The following GLRA2 variants were observed in gnomAD, a reference collection of about 807,000 sequenced individuals.
GLRA2 encodes glycine receptor subunit alpha-2.
In GLRA2, 11 loss-of-function variants were observed where a neutral mutation model predicts 31.6. The ratio of observed to expected loss-of-function variants is 0.35; its 90% CI spans 0.22 to 0.58. The LOEUF (loss-of-function observed/expected upper bound fraction) is 0.58, where lower values mean the gene tolerates loss of function less well. GLRA2 is among the 20% of genes least tolerant of loss of function. GLRA2 has a pLI of 0.84. For missense variants in GLRA2, 212 were observed against 351.8 expected, an observed-to-expected ratio of 0.60 and a Z score of 3.18; for synonymous variants, 132 against 134.0, an observed-to-expected ratio of 0.99 and a Z score of 0.10.
At chrX:14,599,581 C>T (rs1569506424) in intron 4 of GLRA2, among the ~76,000 whole-genome samples, 1 of 112,177 alleles carries the variant, frequency 8.9e-6, no homozygotes, top group East Asian at 2.8e-4. Flanking sequence ...TTCCCCCAAA[C>T]TCATATTTAA....
intron 7 of GLRA2, among the ~76,000 whole-genome samples, chrX:14,682,953 A>T (rs1305669383): frequency 3.5e-4 from 39 of 111,552 alleles, no homozygotes; most frequent in African/African-American, 1.1e-3. Context: ...TCTATCATTG[A>T]TGGACATTTG....
chrX:14,610,209 T>C (rs1176344296), intron 7 of GLRA2, among the ~76,000 whole-genome samples: 1 of 112,000 alleles, frequency 8.9e-6, no homozygotes, highest in Non-Finnish European at 1.9e-5. Flanking sequence ...CTGGCTTGAG[T>C]TTATGTTTGG....
At chrX:14,614,032 G>GT (rs1179643796) in intron 7 of GLRA2, among the ~76,000 whole-genome samples, 1 of 111,784 alleles carries the variant, frequency 8.9e-6, no homozygotes, top group Non-Finnish European at 1.9e-5. Context: ...TCAGTCTCAT[G>GT]TACAATTCAA....
At chrX:14,547,327 C>G (rs1211654546) in intron 2 of GLRA2, among the ~76,000 whole-genome samples, 1 of 110,894 alleles carries the variant, frequency 9.0e-6, no homozygotes, top group Non-Finnish European at 1.9e-5. Flanking sequence ...TACTAGTATC[C>G]TTGATATTCT....
intron 8 of GLRA2, among the ~76,000 whole-genome samples, chrX:14,720,044 G>A (rs918695859): frequency 3.6e-5 from 4 of 111,453 alleles, no homozygotes; most frequent in Non-Finnish European, 7.5e-5. Flanking sequence ...GAGAAGGGTA[G>A]AAAGGAGTGA....
intron 7 of GLRA2, among the ~76,000 whole-genome samples, chrX:14,620,642 A>G (rs979671971): frequency 3.6e-5 from 4 of 111,316 alleles, no homozygotes; most frequent in Admixed American, 9.6e-5. Context: ...TCCATCCTTT[A>G]TCACAAAATG....
chrX:14,574,239 A>C (rs753495929), intron 2 of GLRA2, 94 bp from the exon 3 acceptor site: 6 of 575,386 alleles, frequency 1.0e-5, no homozygotes, highest in Non-Finnish European at 1.8e-5. Flanking sequence ...CCATCATTTT[A>C]ATTGTATTCA....
chrX:14,541,471 A>C (rs772832770), intron 2 of GLRA2, among the ~76,000 whole-genome samples: 1 of 111,806 alleles, frequency 8.9e-6, no homozygotes, highest in Non-Finnish European at 1.9e-5. Flanking sequence ...CTTCATTTTT[A>C]AACCAAACAT....
intron 7 of GLRA2, among the ~76,000 whole-genome samples, chrX:14,637,737 G>C (rs983804436): frequency 8.9e-6 from 1 of 111,749 alleles, no homozygotes; most frequent in Non-Finnish European, 1.9e-5. Flanking sequence ...CATTGTATAC[G>C]TCACAGTATT....
At chrX:14,453,957 A>C in the GLRA2 span, among the ~76,000 whole-genome samples, 1 of 111,868 alleles carries the variant, frequency 8.9e-6, no homozygotes, top group Admixed American at 9.5e-5. Flanking sequence ...ACATATTACA[A>C]AATTCTCTTT....
intron 8 of GLRA2, among the ~76,000 whole-genome samples, chrX:14,724,209 G>C (rs770972447): frequency 6.3e-5 from 7 of 111,787 alleles, no homozygotes; most frequent in Non-Finnish European, 1.1e-4. Context: ...TTGTTTACTT[G>C]TTACTGTTTC....
At chrX:14,510,708 G>A in the GLRA2 span, among the ~76,000 whole-genome samples, 1 of 111,607 alleles carries the variant, frequency 9.0e-6, no homozygotes, top group Non-Finnish European at 1.9e-5. Flanking sequence ...GAAGTCCACA[G>A]TCAGATTGTT....
chrX:14,554,199 A>G (rs1176288021), intron 2 of GLRA2, among the ~76,000 whole-genome samples: 1 of 112,261 alleles, frequency 8.9e-6, no homozygotes, highest in African/African-American at 3.2e-5. Flanking sequence ...TTCCCTTTGC[A>G]GTGGGAAGGC....
At chrX:14,632,102 A>G (rs1039382728) in intron 7 of GLRA2, among the ~76,000 whole-genome samples, 5 of 103,485 alleles carry the variant, frequency 4.8e-5, no homozygotes, top group Non-Finnish European at 9.8e-5. Flanking sequence ...TGACCTAGAA[A>G]CTTTCTCTAG....
intron 7 of GLRA2, among the ~76,000 whole-genome samples, chrX:14,622,904 A>G (rs776384161): frequency 9.7e-4 from 108 of 111,910 alleles, no homozygotes; most frequent in African/African-American, 3.3e-3. Flanking sequence ...TGGTAGCTTG[A>G]AGGGGATGGC....
chrX:14,565,390 A>G (rs2089790206), intron 2 of GLRA2, among the ~76,000 whole-genome samples: 1 of 111,932 alleles, frequency 8.9e-6, no homozygotes, highest in Non-Finnish European at 1.9e-5. Context: ...GACATTATAT[A>G]TGGAGAGAGA....
At chrX:14,683,200 T>C (rs1469694044) in intron 7 of GLRA2, among the ~76,000 whole-genome samples, 3 of 111,828 alleles carry the variant, frequency 2.7e-5, no homozygotes, top group Non-Finnish European at 3.8e-5. Context: ...CTCCACATCC[T>C]CTCCAGCACC....
At chrX:14,506,259 C>A in the GLRA2 span, among the ~76,000 whole-genome samples, 1 of 111,606 alleles carries the variant, frequency 9.0e-6, no homozygotes, top group African/African-American at 3.3e-5. Context: ...TGATCTTATG[C>A]AAAACCCTGG....
At chrX:14,608,927 T>C (rs1019041005) in intron 6 of GLRA2, 64 bp from the exon 7 acceptor site, 1 of 481,088 alleles carries the variant, frequency 2.1e-6, no homozygotes, top group Non-Finnish European at 3.5e-6. Context: ...TTAAACAACG[T>C]GGGATAATGG....
Sources: allele counts gnomAD v4.1 joint callset (sites outside exome capture counted in the v4.1 genomes callset), GRCh38; gene constraint gnomAD v4.1.1; transcripts MANE v1.5; gene names NCBI Gene and HGNC (gene_info 2026-07-23, HGNC 2026-07-21).